Variants in CIT observed in about 807,000 individuals in gnomAD.
CIT encodes the protein citron rho-interacting serine/threonine kinase, also known as citron Rho-interacting kinase.
Under a neutral mutation model 272.7 loss-of-function variants are expected in CIT, and 79 were observed. The ratio of observed to expected loss-of-function variants is 0.29; its 90% CI spans 0.24 to 0.35. The LOEUF is 0.35. Among genes scored for constraint, CIT ranks in the 10% least tolerant of loss-of-function variants. CIT has a pLI of 1.00. For missense variants in CIT, 1,909 were observed against 2,618.3 expected (o/e 0.73, Z 5.91); for synonymous variants, 948 against 995.6 (o/e 0.95, Z 0.90).
chr12:119,721,230 G>A, intron 29 of CIT, 79 bp downstream of exon 29: 1 of 1,349,250 alleles, frequency 7.4e-7, no homozygotes, highest in Non-Finnish European at 1.0e-6. Flanking sequence ...GCCTCCCGAA[G>A]TGCTGGGATT....
At chr12:119,762,943 G>A (rs1287008082) in intron 19 of CIT, among the ~76,000 whole-genome samples, 1 of 152,176 alleles carries the variant, frequency 6.6e-6, no homozygotes, top group Non-Finnish European at 1.5e-5. Context: ...CTACTCAGGA[G>A]GATAAGATGG....
At chr12:119,708,434 G>T in intron 39 of CIT, 116 bp from the exon 40 acceptor site, 1 of 1,072,502 alleles carries the variant, frequency 9.3e-7, no homozygotes, top group Non-Finnish European at 1.2e-6. Flanking sequence ...CAGATGATCT[G>T]AGTTTTCCAC....
At chr12:119,740,893 TCCA>T (rs1039918775) in intron 24 of CIT, among the ~76,000 whole-genome samples, 114 of 152,172 alleles carry the variant, frequency 7.5e-4, no homozygotes, top group African/African-American at 2.6e-3. Flanking sequence ...CCCATCCCGA[TCCA>T]CCACCACATC....
intron 10 of CIT, 95 bp from the exon 11 acceptor site, chr12:119,785,160 T>G: frequency 7.5e-7 from 1 of 1,326,552 alleles, no homozygotes; most frequent in Non-Finnish European, 1.0e-6. Context: ...TACAAAAACA[T>G]CTCATGCTCT....
rs369470134 is a variant in CIT, at chr12:119,876,254, C to T, written c.-13-73G>A. The T allele has an allele frequency of 9.3e-4, 836 of 894,660 alleles. 20 individuals carry two copies. In the South Asian group the frequency reaches 0.011, roughly 12 times the overall value. The allele number at this position is 894,660 out of a possible 1,614,324, so 55.4% of individuals were successfully genotyped here. The stretch of plus-strand genomic sequence containing the variant: ...AAGGGCCTGAGAGATCCTGATCTCC[C>T]TCAAGATATCAGGGACAAGGAGGTG... On this transcript the variant is annotated intron_variant, in intron 1 of 47. Coordinates refer to ENST00000392521, the MANE Select transcript of CIT (RefSeq NM_001206999.2).
intron 3 of CIT, among the ~76,000 whole-genome samples, chr12:119,866,664 A>T (rs904744197): frequency 7.2e-5 from 11 of 152,218 alleles, no homozygotes; most frequent in Admixed American, 5.2e-4. Context: ...ACACAAAATT[A>T]AAAAATTAGC....
chr12:119,720,386 T>A, intron 30 of CIT, 92 bp downstream of exon 30: 1 of 850,354 alleles, frequency 1.2e-6, no homozygotes, highest in South Asian at 1.7e-5. Flanking sequence ...TTTTCTTCTA[T>A]GTTCCTATGA....
chr12:119,706,003 T>G (rs186578491), intron 40 of CIT, among the ~76,000 whole-genome samples: 4 of 149,244 alleles, frequency 2.7e-5, no homozygotes, highest in African/African-American at 9.9e-5. Context: ...AGAGGGAGAA[T>G]CGCTTAAAGC....
rs35690078 is a variant in CIT, at chr12:119,716,378, C to CA, written c.4168+1866dup. On this transcript the variant is annotated intron_variant, in intron 32 of 47. Coordinates refer to ENST00000392521, the MANE Select transcript of CIT (RefSeq NM_001206999.2). ...TGGGCGACAGAGCGAGACTCTGTCTCAAAAAAAAAAAAAAAAAAAAAAAAA... is the reference window on the plus strand; with the variant it reads ...TGGGCGACAGAGCGAGACTCTGTCTCAAAAAAAAAAAAAAAAAAAAAAAAAA... Among the ~76,000 whole-genome samples, 21 of 17,804 alleles carry CA rather than the reference C, an allele frequency of 1.2e-3. 5 individuals are homozygous for CA. Among genetic ancestry groups the CA allele is most frequent in the East Asian group, 4.9e-3 (2 of 408 alleles). The allele number at this position is 17,804 out of a possible 152,430, so 11.7% of individuals were successfully genotyped here. A position where few individuals can be genotyped will look rare whatever the true frequency, so the allele number is the denominator to read the frequency against.
rs1238151459 is a variant in CIT, at chr12:119,694,415, AT to A, written c.5882+3243del. Reference sequence around the variant, plus strand: ...AGGTTGTGCAGGCATCTGGGGAGAAATGAATGAATAACTACTTCTCACACTG... The same window carrying A: ...AGGTTGTGCAGGCATCTGGGGAGAAAGAATGAATAACTACTTCTCACACTG... On this transcript the variant is annotated intron_variant, in intron 46 of 47. Transcript: ENST00000392521. The surrounding 1 kb of genome is among the most constrained non-coding windows in gnomAD (Gnocchi z 4.5). Among the ~76,000 whole-genome samples the A allele has an allele frequency of 6.6e-6, 1 of 152,226 alleles. No homozygotes were observed. Among genetic ancestry groups the A allele is most frequent in the African/African-American group, 2.4e-5 (1 of 41,458 alleles).
chr12:119,747,635 G>A (rs973708492), intron 23 of CIT, among the ~76,000 whole-genome samples: 3 of 151,096 alleles, frequency 2.0e-5, no homozygotes, highest in African/African-American at 7.3e-5. Context: ...CAGGAGAATC[G>A]CCTGAACCCA....
intron 46 of CIT, among the ~76,000 whole-genome samples, chr12:119,696,279 T>C (rs76117230): frequency 0.018 from 2,749 of 152,114 alleles, 89 homozygotes; most frequent in African/African-American, 0.063. Flanking sequence ...GAAGAGGCCT[T>C]TTTTTGGAAC....
chr12:119,840,608 T>C (rs1049748116), intron 5 of CIT, among the ~76,000 whole-genome samples: 1 of 152,118 alleles, frequency 6.6e-6, no homozygotes, highest in Non-Finnish European at 1.5e-5. Flanking sequence ...GATAAGAAAA[T>C]TGAAGCGGAA....
chr12:119,735,905 G>A (rs559435798), intron 24 of CIT, among the ~76,000 whole-genome samples: 1 of 152,012 alleles, frequency 6.6e-6, no homozygotes, highest in Non-Finnish European at 1.5e-5. Flanking sequence ...AAAAACTTCA[G>A]GGAAACTCAG....
At chr12:119,746,919 C>A (rs1959500493) in intron 23 of CIT, among the ~76,000 whole-genome samples, 2 of 152,182 alleles carry the variant, frequency 1.3e-5, no homozygotes, top group African/African-American at 4.8e-5. Flanking sequence ...AAAACAAATA[C>A]ACAAAAAGGC....
rs532941148 is a variant in CIT, at chr12:119,802,143, G to A, written c.1295+1063C>T. ...AAAGAGGGAAAGATGCTGCCAAGAA[G>A]AATATCAAATTCTGCTCGTCTCCTA... On this transcript the variant is annotated intron_variant, in intron 10 of 47. Coordinates refer to ENST00000392521, the MANE Select transcript of CIT (RefSeq NM_001206999.2). 3.3e-5 allele frequency among the ~76,000 whole-genome samples: 5 copies of A among 152,280 alleles called. No individual in the cohort carries two copies. In the East Asian group the frequency reaches 7.7e-4, roughly 23 times the overall value.
At chr12:119,833,419 C>G (rs1281087064) in intron 6 of CIT, among the ~76,000 whole-genome samples, 1 of 152,082 alleles carries the variant, frequency 6.6e-6, no homozygotes, top group Admixed American at 6.5e-5. Context: ...GTAATCCCAG[C>G]AATTTGGGAG....
At chr12:119,762,393 A>T (rs1961916143) in intron 19 of CIT, among the ~76,000 whole-genome samples, 1 of 152,210 alleles carries the variant, frequency 6.6e-6, no homozygotes, top group Admixed American at 6.5e-5. Flanking sequence ...ACAGGGTAGA[A>T]TCGAGGGTAT....
intron 10 of CIT, among the ~76,000 whole-genome samples, chr12:119,789,076 C>T (rs572767743): frequency 2.5e-3 from 388 of 152,268 alleles, no homozygotes; most frequent in Non-Finnish European, 4.8e-3. Flanking sequence ...ATTAGAATCA[C>T]TTGGAGACCT....
Sources: allele counts gnomAD v4.1 joint callset (sites outside exome capture counted in the v4.1 genomes callset), GRCh38; gene constraint gnomAD v4.1.1; non-coding constraint Gnocchi (gnomAD v3.1); transcripts MANE v1.5; gene names NCBI Gene and HGNC (gene_info 2026-07-23, HGNC 2026-07-21).